PDK3: variants seen among roughly 807,000 people sequenced by gnomAD.
PDK3 encodes the protein pyruvate dehydrogenase kinase 3.
PDK3 carries 12 observed loss-of-function variants against 32.0 expected under a neutral mutation model. That is an observed-to-expected ratio of 0.37 (90% CI 0.24 to 0.61). The LOEUF is 0.61. Ranked by LOEUF, PDK3 falls within the 20% of genes least tolerant of loss-of-function variation. PDK3 has a pLI of 0.65. For missense variants in PDK3, 188 were observed against 316.9 expected, an observed-to-expected ratio of 0.59 and a Z score of 3.09; for synonymous variants, 122 against 116.3, an observed-to-expected ratio of 1.05 and a Z score of -0.31.
At chrX:24,534,971 G>A (rs1414124710), downstream of PDK3, among the ~76,000 whole-genome samples, 2 of 111,556 alleles carry the variant, frequency 1.8e-5, no homozygotes, top group East Asian at 5.6e-4. Context: ...TAAGAAAAAG[G>A]TGGTAAGTTC....
intron 1 of PDK3, among the ~76,000 whole-genome samples, chrX:24,472,319 T>A (rs1276714546): frequency 2.7e-5 from 3 of 112,084 alleles, no homozygotes; most frequent in Non-Finnish European, 3.8e-5. Context: ...AATTTAAATT[T>A]AAAATGGATA....
intron 3 of PDK3, among the ~76,000 whole-genome samples, chrX:24,501,446 G>A (rs932157826): frequency 4.4e-5 from 5 of 112,930 alleles, no homozygotes; most frequent in African/African-American, 1.6e-4. Flanking sequence ...GGGCATGGTG[G>A]CCGACGCCTG....
intron 1 of PDK3, among the ~76,000 whole-genome samples, chrX:24,486,260 C>T (rs756984899): frequency 4.8e-4 from 53 of 111,074 alleles, no homozygotes; most frequent in Non-Finnish European, 4.9e-4. Context: ...CCAACTAGCC[C>T]GAAGCTGCCG....
chrX:24,493,243 G>A (rs1921615550), intron 1 of PDK3, among the ~76,000 whole-genome samples: 1 of 111,540 alleles, frequency 9.0e-6, no homozygotes, highest in Non-Finnish European at 1.9e-5. Context: ...TGAGGGAAAT[G>A]AGGGATGGAT....
At position 24,513,547 on chromosome X, in the gene PDK3, G is replaced by A. The variant is rs145071277; in HGVS notation, c.596-5386G>A. The A allele has an allele frequency of 7.8e-3, 1,055 of 134,908 alleles. 13 individuals are homozygous for A. The highest frequency in any genetic ancestry group is 0.032 in the African/African-American group (996 of 31,533). 11.1% of individuals were successfully genotyped at this position (134,908 alleles called of 1,213,427 possible). Reference sequence around the variant, plus strand: ...CAAGTGAATATGCTGATAGAGGGCCGTGTCATTGGTTTTGACGAGTCTGTG... The same window carrying A: ...CAAGTGAATATGCTGATAGAGGGCCATGTCATTGGTTTTGACGAGTCTGTG... On this transcript the variant is annotated intron_variant, in intron 5 of 10. Transcript: ENST00000379162.
At chrX:24,518,867 A>T in intron 5 of PDK3, 66 bp from the exon 6 acceptor site, 1 of 634,933 alleles carries the variant, frequency 1.6e-6, no homozygotes, top group Non-Finnish European at 2.5e-6. Flanking sequence ...ACACACACAC[A>T]CACACACACA....
At position 24,524,688 on chromosome X, in the gene PDK3, T is replaced by A. The variant is rs143300424; in HGVS notation, c.674-1510T>A. The stretch of plus-strand genomic sequence containing the variant: ...TAGGCAATTTACAGCATCCCTAATT[T>A]GGGTTACAGAACAGAATGTAAATAT... On this transcript the variant is annotated intron_variant, in intron 6 of 10. Coordinates refer to ENST00000379162, the MANE Select transcript of PDK3 (RefSeq NM_005391.5). Among the ~76,000 whole-genome samples, 1,077 of 111,823 alleles carry A rather than the reference T, an allele frequency of 9.6e-3. 16 individuals carry two copies. The highest frequency in any genetic ancestry group is 0.033 in the African/African-American group (1,026 of 30,733).
At chrX:24,547,113 T>C (rs1333016887) in exon 12 of PDK3, 1 of 112,463 alleles carries the variant, frequency 8.9e-6, no homozygotes, top group Admixed American at 9.4e-5. Context: ...TGACTTCCTC[T>C]TTGATAGAGG....
chrX:24,498,416 G>C (rs1330479000), intron 2 of PDK3, among the ~76,000 whole-genome samples: 1 of 111,363 alleles, frequency 9.0e-6, no homozygotes, highest in Non-Finnish European at 1.9e-5. Flanking sequence ...GCAGTTCCAG[G>C]CTTCCAATCC....
intron 5 of PDK3, among the ~76,000 whole-genome samples, chrX:24,512,737 T>C (rs755383822): frequency 1.1e-4 from 12 of 110,942 alleles, no homozygotes; most frequent in Non-Finnish European, 7.6e-5. Context: ...CACTCCAGCC[T>C]TGGTGACAGA....
chrX:24,497,227 C>T (rs1347775940), intron 2 of PDK3, among the ~76,000 whole-genome samples: 1 of 111,496 alleles, frequency 9.0e-6, no homozygotes, highest in East Asian at 2.8e-4. Flanking sequence ...CGTTTTGACC[C>T]AATGATTTTA....
At chrX:24,536,693 C>T (rs1027939635), downstream of PDK3, among the ~76,000 whole-genome samples, 2 of 111,247 alleles carry the variant, frequency 1.8e-5, no homozygotes, top group African/African-American at 6.5e-5. Flanking sequence ...AAAGTGCACA[C>T]ATCTTAAGTT....
chrX:24,537,282 A>ATT (rs1167543267), downstream of PDK3, among the ~76,000 whole-genome samples: 58 of 65,674 alleles, frequency 8.8e-4, no homozygotes, highest in Non-Finnish European at 1.1e-3. Flanking sequence ...ACGCCTGGCT[A>ATT]TTTTTTTTTT....
intron 1 of PDK3, among the ~76,000 whole-genome samples, chrX:24,480,711 T>C (rs1921232290): frequency 8.9e-6 from 1 of 112,561 alleles, no homozygotes; most frequent in African/African-American, 3.2e-5. Context: ...TCAGCATTAG[T>C]TGAAAGTTCT....
intron 1 of PDK3, among the ~76,000 whole-genome samples, chrX:24,493,103 C>A (rs1336239222): frequency 1.8e-5 from 2 of 111,421 alleles, no homozygotes; most frequent in Non-Finnish European, 3.8e-5. Flanking sequence ...GGCATTACAC[C>A]CCTTCTCCTC....
chrX:24,499,043 A>AT, intron 3 of PDK3, 143 bp downstream of exon 3: 1 of 310,982 alleles, frequency 3.2e-6, no homozygotes, highest in Admixed American at 7.5e-5. Context: ...CTCAACATTG[A>AT]GTTTTTTTTT....
chrX:24,480,315 A>C lies in PDK3; in HGVS notation c.107-14427A>C, dbSNP rs374510153. 1.3e-4 allele frequency among the ~76,000 whole-genome samples: 15 copies of C among 112,594 alleles called. No homozygotes were observed. In the East Asian group the frequency reaches 1.4e-3, roughly 10 times the overall value. ...AAGGTGAAAATAAAGACAACAGTAC[A>C]TGGGTAAATAAAAAATTGGGGATGC... On this transcript the variant is annotated intron_variant, in intron 1 of 10. Coordinates refer to ENST00000379162, the MANE Select transcript of PDK3 (RefSeq NM_005391.5).
chrX:24,468,829 A>G (rs1268098949), intron 1 of PDK3, among the ~76,000 whole-genome samples: 2 of 112,318 alleles, frequency 1.8e-5, no homozygotes, highest in Non-Finnish European at 3.8e-5. Flanking sequence ...AGTACATTCC[A>G]AAGGGTGGCA....
At chrX:24,509,420 C>G (rs1234052019) in intron 5 of PDK3, among the ~76,000 whole-genome samples, 3 of 111,482 alleles carry the variant, frequency 2.7e-5, no homozygotes, top group Non-Finnish European at 1.9e-5. Flanking sequence ...GCTTGGAGTT[C>G]CTGGTGAAGC....
Sources: allele counts gnomAD v4.1 joint callset (sites outside exome capture counted in the v4.1 genomes callset), GRCh38; gene constraint gnomAD v4.1.1; transcripts MANE v1.5; gene names NCBI Gene and HGNC (gene_info 2026-07-23, HGNC 2026-07-21).